The following TWIST2 variants were observed in gnomAD, a reference collection of about 807,000 sequenced individuals.
TWIST2 encodes twist-related protein 2.
A neutral mutation model predicts 11.6 loss-of-function variants in TWIST2; 1 was observed. That is an observed-to-expected ratio of 0.09 (90% confidence interval 0.03 to 0.41). The LOEUF is 0.41. Ranked by LOEUF, TWIST2 falls within the 10% of genes least tolerant of loss-of-function variation. The pLI is 0.98. For missense variants in TWIST2, 168 were observed against 226.4 expected, an observed-to-expected ratio of 0.74 and a Z score of 1.66; for synonymous variants, 87 against 96.6, an observed-to-expected ratio of 0.90 and a Z score of 0.58.
intron 1 of TWIST2, among the ~76,000 whole-genome samples, chr2:238,884,068 C>A (rs771566886): frequency 6.6e-6 from 1 of 152,220 alleles, no homozygotes; most frequent in Non-Finnish European, 1.5e-5. Flanking sequence ...TTCCTCCCTT[C>A]GGAAATCTGT....
At chr2:238,902,300 T>G (rs1693276865) in intron 1 of TWIST2, among the ~76,000 whole-genome samples, 1 of 148,266 alleles carries the variant, frequency 6.7e-6, no homozygotes, top group Non-Finnish European at 1.5e-5. Context: ...TGATATGGAG[T>G]ATGTGTGTGT....
Position 238,863,142 on chromosome 2 carries a change from T to C in TWIST2, c.*35+14409T>C, listed in dbSNP as rs1692464116. Reference sequence around the variant, plus strand: ...TGCCCAGTGCTTTGTAAAGATAGTGTGGCAGGCACATGCTGACCGACCCTC... The same window carrying C: ...TGCCCAGTGCTTTGTAAAGATAGTGCGGCAGGCACATGCTGACCGACCCTC... On this transcript the variant is annotated intron_variant, in intron 1 of 1. Coordinates refer to ENST00000612363, the MANE Select transcript of TWIST2 (RefSeq NM_001271893.4). This position sits in a 1 kb window ranked among gnomAD's most constrained non-coding sequence, Gnocchi z 4.7. Among the ~76,000 whole-genome samples, 2 of 151,990 alleles carry C rather than the reference T, an allele frequency of 1.3e-5. No homozygotes were observed. Among genetic ancestry groups the C allele is most frequent in the African/African-American group, 4.8e-5 (2 of 41,350 alleles).
chr2:238,848,725 C>G lies in TWIST2; in HGVS notation c.*27C>G. On this transcript the variant is annotated 3_prime_UTR_variant, in exon 1 of 2. Transcript: ENST00000612363. ...GCCGCGCCACCCACCTCCGGACCGG[C>G]GCGCCAGGGTAGGTGCTGCGCGCGC... 1.4e-6 allele frequency: 2 copies of G among 1,472,378 alleles called. No homozygotes were observed. The highest frequency in any genetic ancestry group is 1.8e-6 in the Non-Finnish European group (2 of 1,112,970). 91.2% of individuals were successfully genotyped at this position (1,472,378 alleles called of 1,614,324 possible). A position where few individuals can be genotyped will look rare whatever the true frequency, so the allele number is the denominator to read the frequency against.
At chr2:238,891,769 C>A (rs1238829933) in intron 1 of TWIST2, among the ~76,000 whole-genome samples, 1 of 152,084 alleles carries the variant, frequency 6.6e-6, no homozygotes, top group Non-Finnish European at 1.5e-5. Flanking sequence ...GGCTTGAGTC[C>A]AAAAACCCCG....
intron 1 of TWIST2, among the ~76,000 whole-genome samples, chr2:238,906,346 T>A (rs1018643829): frequency 6.7e-6 from 1 of 150,264 alleles, no homozygotes; most frequent in African/African-American, 2.5e-5. Flanking sequence ...ACACACACAC[T>A]GACACACGGA....
intron 1 of TWIST2, among the ~76,000 whole-genome samples, chr2:238,902,635 T>C (rs1693283803): frequency 6.9e-6 from 1 of 145,636 alleles, no homozygotes; most frequent in South Asian, 2.2e-4. Flanking sequence ...GTGTGTGATA[T>C]GAGGTGTGTG....
rs186500201 is a variant in TWIST2, at chr2:238,852,790, T to C, written c.*35+4057T>C. 9.8e-5 allele frequency among the ~76,000 whole-genome samples: 15 copies of C among 152,330 alleles called. No homozygotes were observed. In the East Asian group the frequency reaches 2.7e-3, roughly 27 times the overall value. ...TATGATAATTGCAAGATGTCATCAC[T>C]GGGAGAAGGGAGTGAAGATATGAGA... On this transcript the variant is annotated intron_variant, in intron 1 of 1. Transcript: ENST00000612363.
chr2:238,879,024 G>A (rs538720619), intron 1 of TWIST2, among the ~76,000 whole-genome samples: 1 of 152,218 alleles, frequency 6.6e-6, no homozygotes, highest in African/African-American at 2.4e-5. Context: ...AATTCTAATT[G>A]TATAATACCA....
chr2:238,867,323 T>C lies in TWIST2; in HGVS notation c.*35+18590T>C, dbSNP rs1463251891. Among the ~76,000 whole-genome samples, 1 of 150,244 alleles carries C rather than the reference T, an allele frequency of 6.7e-6. No individual in the cohort carries two copies. Among genetic ancestry groups the C allele is most frequent in the East Asian group, 2.0e-4 (1 of 5,078 alleles). On this transcript the variant is annotated intron_variant, in intron 1 of 1. Coordinates refer to ENST00000612363, the MANE Select transcript of TWIST2 (RefSeq NM_001271893.4). The surrounding 1 kb of genome is among the most constrained non-coding windows in gnomAD (Gnocchi z 4.8). Reference sequence around the variant, plus strand: ...ACATCTTGGGGGAAAGTGATTCATCTGATCTGGGATGGAAGATTATTCTGG... The same window carrying C: ...ACATCTTGGGGGAAAGTGATTCATCCGATCTGGGATGGAAGATTATTCTGG...
In TWIST2 at chr2:238,868,854, G is replaced by A. The variant is rs547799053; in HGVS notation, c.*35+20121G>A. 4.6e-4 allele frequency among the ~76,000 whole-genome samples: 70 copies of A among 152,332 alleles called. 1 individual carries two copies. The highest frequency in any genetic ancestry group is 1.7e-3 in the South Asian group (8 of 4,834). On this transcript the variant is annotated intron_variant, in intron 1 of 1. Coordinates refer to ENST00000612363, the MANE Select transcript of TWIST2 (RefSeq NM_001271893.4). ...AGCGCTGCGTGCCGGCCGGTGCAGG[G>A]GCTTGTGTCCATTTGATTCTCAAGA...
Position 238,848,209 on chromosome 2 carries a change from G to A in TWIST2, c.-7G>A. The A allele has an allele frequency of 7.7e-7, 1 of 1,297,842 alleles. No individual in the cohort carries two copies. 80.4% of individuals were successfully genotyped at this position (1,297,842 alleles called of 1,614,324 possible). On this transcript the variant is annotated 5_prime_UTR_variant, in exon 1 of 2. Coordinates refer to ENST00000612363, the MANE Select transcript of TWIST2 (RefSeq NM_001271893.4). The stretch of plus-strand genomic sequence containing the variant: ...GCCCCCAGCCCCACGCGCGCCGGGC[G>A]GGCGCCATGGAGGAGGGCTCCAGCT...
At chr2:238,862,491 T>C (rs540330286) in intron 1 of TWIST2, among the ~76,000 whole-genome samples, 2 of 152,220 alleles carry the variant, frequency 1.3e-5, no homozygotes, top group South Asian at 4.1e-4. Flanking sequence ...TCTAAGGAAT[T>C]AGAAATAAAA....
chr2:238,909,157 G>GTGTTCGTGGGTGTGGTATGTGGTGTGTA (rs1693410383), intron 1 of TWIST2, among the ~76,000 whole-genome samples: 1 of 26,436 alleles, frequency 3.8e-5, no homozygotes, highest in Non-Finnish European at 9.4e-5. Flanking sequence ...TGTATGTGGT[G>GTGTTCGTGGGTGTGGTATGTGGTGTGTA]TGTAGTGTGG....
Position 238,863,429 on chromosome 2 carries a change from C to T in TWIST2, c.*35+14696C>T, listed in dbSNP as rs1279582848. Among the ~76,000 whole-genome samples, 1 of 152,168 alleles carries T rather than the reference C, an allele frequency of 6.6e-6. No individual in the cohort carries two copies. Among genetic ancestry groups the T allele is most frequent in the Non-Finnish European group, 1.5e-5 (1 of 68,034 alleles). The stretch of plus-strand genomic sequence containing the variant: ...GAAGGATGCACCCGGAATGTACCAG[C>T]GCGGCTCCCTGATGGAGCTGGCGAC... On this transcript the variant is annotated intron_variant, in intron 1 of 1. Transcript: ENST00000612363. The surrounding 1 kb of genome is among the most constrained non-coding windows in gnomAD (Gnocchi z 4.7).
At chr2:238,903,142 CAT>C (rs1234517127) in intron 1 of TWIST2, among the ~76,000 whole-genome samples, 2,026 of 95,230 alleles carry the variant, frequency 0.021, 72 homozygotes, top group African/African-American at 0.077. Context: ...GTGTGTGTCT[CAT>C]GTGAGGTGTG....
chr2:238,878,804 G>C (rs1204764487), intron 1 of TWIST2, among the ~76,000 whole-genome samples: 1 of 152,182 alleles, frequency 6.6e-6, no homozygotes, highest in Non-Finnish European at 1.5e-5. Context: ...TCCCAGCAGT[G>C]GGGGGTCCGT....
At chr2:238,850,868 G>A (rs1026439407) in intron 1 of TWIST2, among the ~76,000 whole-genome samples, 1 of 152,132 alleles carries the variant, frequency 6.6e-6, no homozygotes, top group Non-Finnish European at 1.5e-5. Context: ...TACTCTAAAA[G>A]AAGAGAAAAG....
chr2:238,902,496 GT>G (rs1693280817), intron 1 of TWIST2, among the ~76,000 whole-genome samples: 1 of 148,538 alleles, frequency 6.7e-6, no homozygotes, highest in African/African-American at 2.5e-5. Context: ...GATGTGGAGT[GT>G]GAGTGATGTA....
intron 1 of TWIST2, among the ~76,000 whole-genome samples, chr2:238,859,571 A>G (rs1692393268): frequency 1.6e-5 from 2 of 123,326 alleles, no homozygotes; most frequent in Admixed American, 1.5e-4. Context: ...TACTACTATC[A>G]CCAAAAAAAA....
Sources: gnomAD v4.1 joint callset for allele counts (sites outside exome capture counted in the v4.1 genomes callset) on GRCh38, gnomAD v4.1.1 for gene constraint, Gnocchi (gnomAD v3.1) non-coding constraint, MANE v1.5 for transcripts, NCBI Gene and HGNC (gene_info 2026-07-23, HGNC 2026-07-21) for gene names.